Variants in SLC25A21 observed in about 807,000 individuals in gnomAD.
SLC25A21 encodes solute carrier family 25 member 21.
A neutral mutation model predicts 43.8 loss-of-function variants in SLC25A21; 47 were observed. The ratio of observed to expected loss-of-function variants is 1.07; its 90% CI spans 0.85 to 1.37. SLC25A21 has a LOEUF of 1.37. Among genes scored for constraint, SLC25A21 ranks in the 40% most tolerant of loss-of-function variants. SLC25A21 has a pLI of 0.00. For synonymous variants in SLC25A21, 131 were observed against 121.3 expected, an observed-to-expected ratio of 1.08 and a Z score of -0.52; for missense variants, 352 against 350.2, an observed-to-expected ratio of 1.00 and a Z score of -0.04.
intron 1 of SLC25A21, among the ~76,000 whole-genome samples, chr14:36,890,372 T>A (rs1891041738): frequency 6.6e-6 from 1 of 152,094 alleles, no homozygotes; most frequent in Admixed American, 6.6e-5. Context: ...AAGGCATGAG[T>A]GCATGGCAGC....
At chr14:36,900,985 A>G (rs534352334) in intron 1 of SLC25A21, among the ~76,000 whole-genome samples, 1 of 152,306 alleles carries the variant, frequency 6.6e-6, no homozygotes, top group African/African-American at 2.4e-5. Flanking sequence ...ACTTTACAGA[A>G]GTGAAATTTC....
intron 2 of SLC25A21, among the ~76,000 whole-genome samples, chr14:36,859,921 A>G (rs7155771): frequency 0.019 from 2,883 of 152,230 alleles, 104 homozygotes; most frequent in African/African-American, 0.067. Context: ...TTATTCAATC[A>G]TTCATTCACC....
chr14:36,739,460 G>A (rs374388405), intron 3 of SLC25A21, among the ~76,000 whole-genome samples: 8 of 152,080 alleles, frequency 5.3e-5, no homozygotes, highest in East Asian at 3.9e-4. Context: ...GGTGGATCAC[G>A]TGAGGTCAGG....
At chr14:36,731,011 C>A (rs981739032) in intron 4 of SLC25A21, among the ~76,000 whole-genome samples, 1 of 149,034 alleles carries the variant, frequency 6.7e-6, no homozygotes, top group Non-Finnish European at 1.5e-5. Context: ...CTCGCTCTGT[C>A]GCCCAGGCTG....
chr14:36,971,701 C>T (rs1959753644), intron 1 of SLC25A21, among the ~76,000 whole-genome samples: 4 of 152,112 alleles, frequency 2.6e-5, no homozygotes, highest in East Asian at 1.9e-4. Context: ...AACCCACCCA[C>T]ATGTGTCCAT....
At chr14:36,689,922 C>G (rs1279396852) in intron 7 of SLC25A21, among the ~76,000 whole-genome samples, 4 of 152,172 alleles carry the variant, frequency 2.6e-5, no homozygotes, top group Non-Finnish European at 4.4e-5. Flanking sequence ...ATCATTGACC[C>G]TAAGGGGCTC....
intron 3 of SLC25A21, among the ~76,000 whole-genome samples, chr14:36,773,304 C>T (rs1038103947): frequency 6.6e-6 from 1 of 152,078 alleles, no homozygotes; most frequent in South Asian, 2.1e-4. Flanking sequence ...TAAGGGCCTG[C>T]CATCTAGGGC....
chr14:37,155,938 C>G (rs1160707711), intron 1 of SLC25A21, among the ~76,000 whole-genome samples: 1 of 151,988 alleles, frequency 6.6e-6, no homozygotes, highest in East Asian at 1.9e-4. Flanking sequence ...ATGAGTGGTC[C>G]ACCTGAGGTC....
In SLC25A21 at chr14:37,007,687, GA is replaced by G. The variant is rs1023800255; in HGVS notation, c.71-132684del. Among the ~76,000 whole-genome samples the G allele has an allele frequency of 5.9e-5, 9 of 151,464 alleles. No individual in the cohort carries two copies. In the South Asian group the frequency reaches 1.9e-3, roughly 32 times the overall value. On this transcript the variant is annotated intron_variant, in intron 1 of 9. Coordinates refer to ENST00000331299, the MANE Select transcript of SLC25A21 (RefSeq NM_030631.4). ...TCAAGAAATCTATTTCTCTTGGTAA[GA>G]AAAAAAAGCTTGTTCATCGATCTTG...
intron 1 of SLC25A21, chr14:37,098,525 C>G (rs1962744803): frequency 6.6e-6 from 1 of 152,134 alleles, no homozygotes; most frequent in South Asian, 2.1e-4. Context: ...AAGAAGTTAA[C>G]CATGATTTCT....
chr14:36,870,004 A>T (rs1048385004), intron 2 of SLC25A21, among the ~76,000 whole-genome samples: 4 of 152,196 alleles, frequency 2.6e-5, no homozygotes, highest in Non-Finnish European at 5.9e-5. Flanking sequence ...AATTAACAAT[A>T]GCCTTATAGA....
chr14:36,860,022 T>C (rs74047028), intron 2 of SLC25A21, among the ~76,000 whole-genome samples: 2,486 of 152,048 alleles, frequency 0.016, 75 homozygotes, highest in African/African-American at 0.057. Flanking sequence ...GGAAGGCCCC[T>C]TGCCTTTAGG....
Position 36,763,578 on chromosome 14 carries a change from G to A in SLC25A21, c.204-29005C>T, listed in dbSNP as rs540033037. 3.3e-4 allele frequency among the ~76,000 whole-genome samples: 50 copies of A among 152,256 alleles called. 1 individual carries two copies. In the South Asian group the frequency reaches 0.01, roughly 31 times the overall value. On this transcript the variant is annotated intron_variant, in intron 3 of 9. Coordinates refer to ENST00000331299, the MANE Select transcript of SLC25A21 (RefSeq NM_030631.4). Reference sequence around the variant, plus strand: ...AGAAATGCTTACTGGACCACCTCAGGTATTTGGGTGGTGGTGGTAGGGGGT... The same window carrying A: ...AGAAATGCTTACTGGACCACCTCAGATATTTGGGTGGTGGTGGTAGGGGGT...
chr14:36,736,474 T>C (rs571735669), intron 3 of SLC25A21, among the ~76,000 whole-genome samples: 5 of 152,298 alleles, frequency 3.3e-5, no homozygotes, highest in South Asian at 2.1e-4. Flanking sequence ...ATTTTTGGCA[T>C]AAAGAGTGAC....
intron 1 of SLC25A21, among the ~76,000 whole-genome samples, chr14:37,113,905 A>G (rs1475257119): frequency 6.6e-6 from 1 of 151,322 alleles, no homozygotes; most frequent in Non-Finnish European, 1.5e-5. Context: ...CTCATTTGTT[A>G]TAACTTATTC....
rs1023403613 is a variant in SLC25A21, at chr14:37,035,529, T to C, written c.70+136752A>G. On this transcript the variant is annotated intron_variant, in intron 1 of 9. Transcript: ENST00000331299. ...TTGTCTGGGGAGGTCCAGTGTTGAT[T>C]TGAGGAACTTGGGTCAAGCTGGTAT... Among the ~76,000 whole-genome samples, 8 of 152,216 alleles carry C rather than the reference T, an allele frequency of 5.3e-5. No homozygotes were observed. The South Asian group carries it at 8.3e-4, about 16-fold the overall frequency.
intron 1 of SLC25A21, among the ~76,000 whole-genome samples, chr14:36,888,276 T>C (rs1462292881): frequency 6.6e-6 from 1 of 152,198 alleles, no homozygotes; most frequent in Non-Finnish European, 1.5e-5. Flanking sequence ...AAAGGTGCCA[T>C]AAAGTTAATC....
chr14:37,009,252 C>A (rs1346803642), intron 1 of SLC25A21, among the ~76,000 whole-genome samples: 1 of 152,116 alleles, frequency 6.6e-6, no homozygotes, highest in African/African-American at 2.4e-5. Flanking sequence ...CTTTGGGAGG[C>A]TGAGGTGGGT....
rs183216538 is a variant in SLC25A21, at chr14:37,151,122, T to G, written c.70+21159A>C. On this transcript the variant is annotated intron_variant, in intron 1 of 9. Coordinates refer to ENST00000331299, the MANE Select transcript of SLC25A21 (RefSeq NM_030631.4). ...TCTATCGAGTTCTATTGAATTTCAT[T>G]CTTCTTTCTCCAAAGAGGAGGCTAT... Among the ~76,000 whole-genome samples, 137 of 152,316 alleles carry G rather than the reference T, an allele frequency of 9.0e-4. 1 individual carries two copies. Among genetic ancestry groups the G allele is most frequent in the Admixed American group, 8.7e-3 (133 of 15,294 alleles).
Sources: allele counts gnomAD v4.1 joint callset (sites outside exome capture counted in the v4.1 genomes callset), GRCh38; gene constraint gnomAD v4.1.1; transcripts MANE v1.5; gene names NCBI Gene and HGNC (gene_info 2026-07-23, HGNC 2026-07-21).